PDE10A: variants seen among roughly 807,000 people sequenced by gnomAD.
PDE10A encodes phosphodiesterase 10A, also known as cAMP and cAMP-inhibited cGMP 3',5'-cyclic phosphodiesterase 10A.
A neutral mutation model predicts 97.7 loss-of-function variants in PDE10A; 39 were observed. That is an observed-to-expected ratio of 0.40 (90% CI 0.31 to 0.52). The LOEUF (loss-of-function observed/expected upper bound fraction) is 0.52, where lower values mean the gene tolerates loss of function less well. PDE10A is among the 20% of genes least tolerant of loss of function. The pLI, the probability that PDE10A is intolerant of heterozygous loss-of-function variation, is 0.56. For synonymous variants in PDE10A, 371 were observed against 376.8 expected (o/e 0.98, Z 0.18); for missense variants, 731 against 1,047.8 (o/e 0.70, Z 4.17).
At chr6:165,798,468 C>T (rs1778886555) in intron 1 of PDE10A, among the ~76,000 whole-genome samples, 1 of 152,128 alleles carries the variant, frequency 6.6e-6, no homozygotes. Context: ...CCAGACCTCA[C>T]AGAAAGACAG....
chr6:165,527,350 T>A (rs1027574467), intron 2 of PDE10A, among the ~76,000 whole-genome samples: 3 of 152,172 alleles, frequency 2.0e-5, no homozygotes, highest in African/African-American at 7.2e-5. Flanking sequence ...CAGGCTAACA[T>A]GCAAGCTGCT....
intron 10 of PDE10A, among the ~76,000 whole-genome samples, chr6:165,419,632 C>G (rs531412544): frequency 2.6e-5 from 4 of 152,284 alleles, no homozygotes; most frequent in African/African-American, 9.6e-5. Flanking sequence ...CCATTTCCTT[C>G]AACAAATATG....
In PDE10A at chr6:165,655,153, G is replaced by T. The variant is rs1301685934; in HGVS notation, c.865+6794C>A. 6.6e-6 allele frequency among the ~76,000 whole-genome samples: 1 copy of T among 152,098 alleles called. No individual in the cohort carries two copies. Among genetic ancestry groups the T allele is most frequent in the African/African-American group, 2.4e-5 (1 of 41,404 alleles). ...CAGCTATGGTTGATTAACCAACTCCGTCTGTATTTCCCTCAGAGTCAAAAT... is the reference window on the plus strand; with the variant it reads ...CAGCTATGGTTGATTAACCAACTCCTTCTGTATTTCCCTCAGAGTCAAAAT... On this transcript the variant is annotated intron_variant, in intron 1 of 21. Transcript: ENST00000539869. This position sits in a 1 kb window ranked among gnomAD's most constrained non-coding sequence, Gnocchi z 4.5.
chr6:165,803,335 T>C (rs1779030730), intron 1 of PDE10A, among the ~76,000 whole-genome samples: 1 of 152,236 alleles, frequency 6.6e-6, no homozygotes, highest in African/African-American at 2.4e-5. Context: ...TCGAGGACCC[T>C]TAAATGTATA....
chr6:165,579,710 A>C (rs1785506536), intron 1 of PDE10A, among the ~76,000 whole-genome samples: 1 of 151,644 alleles, frequency 6.6e-6, no homozygotes, highest in Non-Finnish European at 1.5e-5. Flanking sequence ...TCTACTAAAA[A>C]CCCTCCAACA....
At position 165,336,193 on chromosome 6, in the gene PDE10A, C is replaced by T. The variant is rs540559098; in HGVS notation, c.2995G>A (p.Val999Met). 3.7e-6 allele frequency: 6 copies of T among 1,613,926 alleles called. No individual in the cohort carries two copies. Among genetic ancestry groups the T allele is most frequent in the African/African-American group, 2.7e-5 (2 of 75,038 alleles). The change falls in exon 21 of 22, where the codon GTG (valine) becomes ATG (methionine). Residue 999 changes from valine (V) to methionine (M), a missense_variant. Transcript: ENST00000539869. ...AGGGTTGTATAGCAGGGAATGGCCA[C>T]GGCATTGTAGAACCCAAGCTGCCTC... is the stretch of plus-strand genomic sequence containing the variant. ...PQGQLGFYNA[V>M]AIPCYTTLTQ...
In PDE10A at chr6:165,331,874, C is replaced by CT. The variant is rs1781359746; in HGVS notation, c.*1150_*1151insA. 1.3e-5 allele frequency: 2 copies of CT among 152,122 alleles called. No homozygotes were observed. Among genetic ancestry groups the CT allele is most frequent in the Non-Finnish European group, 2.9e-5 (2 of 68,028 alleles). 9.4% of individuals were successfully genotyped at this position (152,122 alleles called of 1,614,324 possible). A position where few individuals can be genotyped will look rare whatever the true frequency, so the allele number is the denominator to read the frequency against. ...AGAGTAAAGAGAACAGAAAGAAGGT[C>CT]CAACATGATTGTACTACTTTCTGCT... On this transcript the variant is annotated 3_prime_UTR_variant, in exon 22 of 22. Coordinates refer to ENST00000539869, the MANE Select transcript of PDE10A (RefSeq NM_001385079.1).
intron 1 of PDE10A, among the ~76,000 whole-genome samples, chr6:165,603,727 G>C (rs781376144): frequency 6.6e-6 from 1 of 152,218 alleles, no homozygotes; most frequent in African/African-American, 2.4e-5. Context: ...ACCCCTAATG[G>C]TATTGAAAAT....
chr6:165,560,200 A>C (rs62443819), intron 1 of PDE10A, among the ~76,000 whole-genome samples: 3,559 of 152,266 alleles, frequency 0.023, 75 homozygotes, highest in Non-Finnish European at 0.036. Context: ...TTGGTGGCAG[A>C]GTTCATGATT....
At chr6:165,458,754 C>T (rs1778116300) in intron 3 of PDE10A, among the ~76,000 whole-genome samples, 1 of 152,068 alleles carries the variant, frequency 6.6e-6, no homozygotes, top group African/African-American at 2.4e-5. Flanking sequence ...CCCCTTTATT[C>T]CTAGACACTT....
intron 17 of PDE10A, among the ~76,000 whole-genome samples, chr6:165,383,041 G>T (rs929392684): frequency 6.6e-6 from 1 of 152,204 alleles, no homozygotes; most frequent in African/African-American, 2.4e-5. Flanking sequence ...CTAAGTAACA[G>T]AAATAGTGCT....
chr6:165,705,494 G>A (rs972913363), intron 1 of PDE10A, among the ~76,000 whole-genome samples: 3 of 152,216 alleles, frequency 2.0e-5, no homozygotes, highest in Non-Finnish European at 2.9e-5. Context: ...CACCTAGCTC[G>A]GTGCCTGATG....
In PDE10A at chr6:165,611,001, C is replaced by T. The variant is rs369323246; in HGVS notation, c.865+50946G>A. On this transcript the variant is annotated intron_variant, in intron 1 of 21. Coordinates refer to ENST00000539869, the MANE Select transcript of PDE10A (RefSeq NM_001385079.1). ...CGGGAGAGTTGCGAGTCTACGTCAG[C>T]TTTAAAGCAAATCCTAATGCTATTC... Among the ~76,000 whole-genome samples the T allele has an allele frequency of 1.5e-4, 23 of 152,014 alleles. 1 individual carries two copies. The highest frequency in any genetic ancestry group is 5.3e-4 in the African/African-American group (22 of 41,480).
chr6:165,633,034 G>A (rs566798041), intron 1 of PDE10A, among the ~76,000 whole-genome samples: 34 of 148,668 alleles, frequency 2.3e-4, no homozygotes, highest in African/African-American at 8.2e-4. Flanking sequence ...ACAACTTCTG[G>A]AAATAGCATA....
At chr6:165,425,462 C>A (rs572557014) in intron 10 of PDE10A, among the ~76,000 whole-genome samples, 56 of 152,084 alleles carry the variant, frequency 3.7e-4, no homozygotes, top group African/African-American at 1.3e-3. Flanking sequence ...TACACTGATG[C>A]ACAAAAATTG....
intron 1 of PDE10A, among the ~76,000 whole-genome samples, chr6:165,626,051 G>C (rs1238912255): frequency 1.3e-5 from 2 of 152,210 alleles, no homozygotes; most frequent in Non-Finnish European, 2.9e-5. Context: ...TTTAGAGATT[G>C]AGAGGATGAA....
At chr6:165,580,737 A>G (rs1041706036) in intron 1 of PDE10A, among the ~76,000 whole-genome samples, 1 of 150,468 alleles carries the variant, frequency 6.6e-6, no homozygotes, top group African/African-American at 2.5e-5. Context: ...CTACCCAATG[A>G]GAAGACAAAG....
At chr6:165,533,876 C>A (rs1384677881) in intron 2 of PDE10A, among the ~76,000 whole-genome samples, 3 of 152,062 alleles carry the variant, frequency 2.0e-5, no homozygotes, top group Non-Finnish European at 2.9e-5. Flanking sequence ...GTTTCATAAT[C>A]TCTAACATTA....
intron 8 of PDE10A, among the ~76,000 whole-genome samples, chr6:165,430,619 A>C (rs1789484831): frequency 7.8e-6 from 1 of 127,922 alleles, no homozygotes; most frequent in Admixed American, 8.4e-5. Flanking sequence ...GATGTTAAGA[A>C]CCTTACTGAG....
Sources: gnomAD v4.1 joint callset for allele counts (sites outside exome capture counted in the v4.1 genomes callset) on GRCh38, gnomAD v4.1.1 for gene constraint, Gnocchi (gnomAD v3.1) non-coding constraint, MANE v1.5 for transcripts, NCBI Gene and HGNC (gene_info 2026-07-23, HGNC 2026-07-21) for gene names.